Variants in ARHGAP32 observed in about 807,000 individuals in gnomAD.
ARHGAP32 encodes the protein rho GTPase-activating protein 32.
ARHGAP32 carries 51 observed loss-of-function variants against 186.5 expected under a neutral mutation model. The ratio of observed to expected loss-of-function variants is 0.27; its 90% CI spans 0.22 to 0.35. The LOEUF is 0.35. ARHGAP32 is among the 10% of genes least tolerant of loss of function. The pLI is 1.00. For missense variants in ARHGAP32, 2,186 were observed against 2,623.5 expected (o/e 0.83, Z 3.64); for synonymous variants, 950 against 964.3 (o/e 0.99, Z 0.27).
Position 129,075,026 on chromosome 11 carries a change from T to C in ARHGAP32, c.532-8158A>G, listed in dbSNP as rs76726334. Among the ~76,000 whole-genome samples, 820 of 152,224 alleles carry C rather than the reference T, an allele frequency of 5.4e-3. 5 individuals are homozygous for C. Among genetic ancestry groups the C allele is most frequent in the Middle Eastern group, 0.01 (3 of 294 alleles). ...CACCTTAAATATATGTAATTTTTATTTGACAATTATATATATCACAATAAA... is the reference window on the plus strand; with the variant it reads ...CACCTTAAATATATGTAATTTTTATCTGACAATTATATATATCACAATAAA... On this transcript the variant is annotated intron_variant, in intron 6 of 22. Transcript: ENST00000682385.
intron 11 of ARHGAP32, among the ~76,000 whole-genome samples, chr11:129,015,498 T>G (rs1342594023): frequency 6.6e-6 from 1 of 152,230 alleles, no homozygotes; most frequent in Non-Finnish European, 1.5e-5. Flanking sequence ...TATTTTCCCT[T>G]AAGTATAAAA....
chr11:129,016,107 C>T (rs1938323990), intron 11 of ARHGAP32, among the ~76,000 whole-genome samples: 1 of 152,188 alleles, frequency 6.6e-6, no homozygotes, highest in African/African-American at 2.4e-5. Context: ...CTTTAATACG[C>T]ATTTCTGTGA....
intron 1 of ARHGAP32, among the ~76,000 whole-genome samples, chr11:129,226,891 A>G (rs1565473777): frequency 6.6e-6 from 1 of 152,114 alleles, no homozygotes; most frequent in South Asian, 2.1e-4. Flanking sequence ...GACTGAAATA[A>G]AAGAACACTA....
At chr11:129,049,687 C>G (rs891737819) in intron 10 of ARHGAP32, among the ~76,000 whole-genome samples, 3 of 152,140 alleles carry the variant, frequency 2.0e-5, no homozygotes, top group African/African-American at 7.2e-5. Context: ...TTGAGGATCA[C>G]TCATGTTGCT....
chr11:129,192,375 G>C (rs1382723797), upstream of ARHGAP32, among the ~76,000 whole-genome samples: 2 of 152,158 alleles, frequency 1.3e-5, no homozygotes, highest in Non-Finnish European at 2.9e-5. Context: ...AGGCAGCACA[G>C]TCACTGCGTC....
chr11:129,097,627 A>C (rs1941771805), intron 5 of ARHGAP32, among the ~76,000 whole-genome samples: 1 of 152,118 alleles, frequency 6.6e-6, no homozygotes, highest in South Asian at 2.1e-4. Context: ...AGTAATAGGA[A>C]GAAAAAATAA....
In ARHGAP32 at chr11:129,226,644, CTATCT is replaced by C. The variant is rs569028008; in HGVS notation, c.-5+52497_-5+52501del. ...AACAGCAAAATGGAAGAAGTAAATC[CTATCT>C]TATCAGTCATTACGTTAAATGTACA... On this transcript the variant is annotated intron_variant, in intron 1 of 6. Transcript: ENST00000525234. Among the ~76,000 whole-genome samples, 18 of 152,176 alleles carry C rather than the reference CTATCT, an allele frequency of 1.2e-4. No homozygotes were observed. The East Asian group carries it at 1.7e-3, about 15-fold the overall frequency.
intron 1 of ARHGAP32, among the ~76,000 whole-genome samples, chr11:129,203,943 T>A (rs1214877462): frequency 6.8e-6 from 1 of 147,982 alleles, no homozygotes; most frequent in African/African-American, 2.5e-5. Flanking sequence ...TTATATATAA[T>A]TTTATACATA....
chr11:129,217,831 C>G (rs1944664542), intron 1 of ARHGAP32, among the ~76,000 whole-genome samples: 2 of 152,170 alleles, frequency 1.3e-5, no homozygotes, highest in Non-Finnish European at 2.9e-5. Context: ...GTTAAAAGCA[C>G]TAGCTTGGTA....
intron 11 of ARHGAP32, chr11:129,024,146 G>A (rs1938727296): frequency 1.0e-6 from 1 of 985,418 alleles, no homozygotes; most frequent in Non-Finnish European, 1.2e-6. Flanking sequence ...GTGTGGGAGA[G>A]CTCTGCCTCC....
intron 2 of ARHGAP32, among the ~76,000 whole-genome samples, chr11:129,135,876 T>C (rs1942926627): frequency 6.6e-6 from 1 of 152,182 alleles, no homozygotes. Context: ...TGTTCTTCTA[T>C]AAAGTACCTT....
chr11:129,193,540 ATT>A (rs1491302709), upstream of ARHGAP32, among the ~76,000 whole-genome samples: 2 of 34,996 alleles, frequency 5.7e-5, no homozygotes, highest in African/African-American at 1.2e-4. Flanking sequence ...TAATATATAT[ATT>A]ATATATAATA....
At chr11:129,084,709 G>T (rs1941327221) in intron 6 of ARHGAP32, among the ~76,000 whole-genome samples, 1 of 152,142 alleles carries the variant, frequency 6.6e-6, no homozygotes, top group Admixed American at 6.5e-5. Context: ...CATACTTAAT[G>T]GTGACAAACT....
At chr11:129,241,822 G>C (rs1945021442) in intron 1 of ARHGAP32, among the ~76,000 whole-genome samples, 1 of 152,016 alleles carries the variant, frequency 6.6e-6, no homozygotes, top group Admixed American at 6.6e-5. Context: ...TGCCTCTCCA[G>C]AAAAAGACAA....
chr11:129,134,251 G>A (rs947141255), intron 2 of ARHGAP32, among the ~76,000 whole-genome samples: 2 of 151,620 alleles, frequency 1.3e-5, no homozygotes, highest in Non-Finnish European at 2.9e-5. Flanking sequence ...TGTGATTTTT[G>A]AAAAAGTATC....
At chr11:129,259,319 C>T (rs746809276) in intron 1 of ARHGAP32, among the ~76,000 whole-genome samples, 1 of 151,932 alleles carries the variant, frequency 6.6e-6, no homozygotes, top group Non-Finnish European at 1.5e-5. Context: ...TGAACACTGG[C>T]TAGGGCAAAT....
At chr11:129,188,636 C>T (rs917373160) in intron 1 of ARHGAP32, among the ~76,000 whole-genome samples, 3 of 152,108 alleles carry the variant, frequency 2.0e-5, no homozygotes, top group Admixed American at 6.5e-5. Flanking sequence ...AACCAACCAA[C>T]GAGTCAAGTG....
chr11:129,046,364 G>A lies in ARHGAP32; in HGVS notation c.964-5355C>T, dbSNP rs571631624. 9.9e-5 allele frequency among the ~76,000 whole-genome samples: 15 copies of A among 152,244 alleles called. No homozygotes were observed. In the South Asian group the frequency reaches 2.7e-3, roughly 27 times the overall value. On this transcript the variant is annotated intron_variant, in intron 10 of 22. Transcript: ENST00000682385. The stretch of plus-strand genomic sequence containing the variant: ...TATACCTTAATTTTTAATAATGGCT[G>A]TTTTTAACAACTGTCCTACAAAATT...
intron 6 of ARHGAP32, among the ~76,000 whole-genome samples, chr11:129,067,926 A>C (rs966019770): frequency 6.6e-6 from 1 of 152,112 alleles, no homozygotes; most frequent in East Asian, 1.9e-4. Flanking sequence ...CGACATAGAC[A>C]AAAAGTCATT....
Sources: gnomAD v4.1 joint callset for allele counts (sites outside exome capture counted in the v4.1 genomes callset) on GRCh38, gnomAD v4.1.1 for gene constraint, MANE v1.5 for transcripts, NCBI Gene and HGNC (gene_info 2026-07-23, HGNC 2026-07-21) for gene names.